TMEM170B: variants seen among roughly 807,000 people sequenced by gnomAD.
TMEM170B encodes transmembrane protein 170B.
A neutral mutation model predicts 13.0 loss-of-function variants in TMEM170B; 6 were observed. The ratio of observed to expected loss-of-function variants is 0.46; its 90% CI spans 0.25 to 0.91. TMEM170B has a LOEUF of 0.91. TMEM170B is among the 40% of genes least tolerant of loss of function. TMEM170B has a pLI of 0.17. For missense variants in TMEM170B, 138 were observed against 165.2 expected (o/e 0.84, Z 0.90); for synonymous variants, 61 against 64.9 (o/e 0.94, Z 0.29).
intron 2 of TMEM170B, among the ~76,000 whole-genome samples, chr6:11,572,230 A>C (rs1759814907): frequency 1.3e-5 from 2 of 152,176 alleles, no homozygotes; most frequent in Admixed American, 1.3e-4. Context: ...CATTCACAGG[A>C]GCAGTGTTTG....
At chr6:11,538,590 C>T (rs1759314795) in intron 1 of TMEM170B, among the ~76,000 whole-genome samples, 1 of 152,108 alleles carries the variant, frequency 6.6e-6, no homozygotes, top group Non-Finnish European at 1.5e-5. Context: ...GCCAGGGGAG[C>T]ATCAGCGACC....
chr6:11,563,842 CAT>C (rs1759703095), intron 1 of TMEM170B, among the ~76,000 whole-genome samples: 1 of 152,160 alleles, frequency 6.6e-6, no homozygotes, highest in South Asian at 2.1e-4. Flanking sequence ...TGGTGGCCCA[CAT>C]GTGTAGTTGT....
At chr6:11,559,836 T>C (rs74771070) in intron 1 of TMEM170B, among the ~76,000 whole-genome samples, 1,589 of 151,968 alleles carry the variant, frequency 0.01, 27 homozygotes, top group African/African-American at 0.035. Flanking sequence ...AAAGAAAAAA[T>C]ATATATATAA....
rs745494127 is a variant in TMEM170B, at chr6:11,538,269, T to G, written c.-9T>G. On this transcript the variant is annotated 5_prime_UTR_variant, in exon 1 of 3. Transcript: ENST00000379426. ...CCGAGGAGAGGGCGGCGGGCGCCCC[T>G]CGGGGAAGATGAAGGCGGAGGGGGG... 4 of 1,352,364 alleles carry G rather than the reference T, an allele frequency of 3.0e-6. No individual in the cohort carries two copies. The highest frequency in any genetic ancestry group is 3.8e-6 in the Non-Finnish European group (4 of 1,050,198). The allele number at this position is 1,352,364 out of a possible 1,614,324, so 83.8% of individuals were successfully genotyped here. A position where few individuals can be genotyped will look rare whatever the true frequency, so the allele number is the denominator to read the frequency against.
At chr6:11,543,585 T>A (rs1001824962) in intron 1 of TMEM170B, among the ~76,000 whole-genome samples, 1 of 152,200 alleles carries the variant, frequency 6.6e-6, no homozygotes, top group African/African-American at 2.4e-5. Flanking sequence ...AAAAAGTCAT[T>A]ATCTTTTTTC....
intron 1 of TMEM170B, among the ~76,000 whole-genome samples, chr6:11,553,293 GTT>G (rs2113768925): frequency 6.6e-6 from 1 of 152,250 alleles, no homozygotes; most frequent in African/African-American, 2.4e-5. Flanking sequence ...AACCTGCATT[GTT>G]CAAGGGTCTA....
chr6:11,560,366 G>A (rs968689481), intron 1 of TMEM170B, among the ~76,000 whole-genome samples: 2 of 148,050 alleles, frequency 1.4e-5, no homozygotes, highest in Non-Finnish European at 3.0e-5. Flanking sequence ...TAGAGATGGG[G>A]TTTCGCCATG....
intron 2 of TMEM170B, among the ~76,000 whole-genome samples, chr6:11,567,534 G>T (rs537417720): frequency 1.3e-5 from 2 of 152,304 alleles, no homozygotes; most frequent in East Asian, 1.9e-4. Context: ...CCATGTTCCT[G>T]GGTATGTCCT....
intron 1 of TMEM170B, among the ~76,000 whole-genome samples, chr6:11,538,689 G>T (rs1337090387): frequency 6.6e-6 from 1 of 152,198 alleles, no homozygotes; most frequent in African/African-American, 2.4e-5. Context: ...AGACTTGAGC[G>T]CATTTCGCTT....
Position 11,575,683 on chromosome 6 carries a change from A to G in TMEM170B, c.*122A>G. 8.1e-7 allele frequency: 1 copy of G among 1,231,492 alleles called. No individual in the cohort carries two copies. The highest frequency in any genetic ancestry group is 1.4e-5 in the South Asian group (1 of 73,836). The allele number at this position is 1,231,492 out of a possible 1,614,324, so 76.3% of individuals were successfully genotyped here. A position where few individuals can be genotyped will look rare whatever the true frequency, so the allele number is the denominator to read the frequency against. On this transcript the variant is annotated 3_prime_UTR_variant, in exon 3 of 3. Transcript: ENST00000379426. This position sits in a 1 kb window ranked among gnomAD's most constrained non-coding sequence, Gnocchi z 4.1. ...ATGTGGACTGAGCAGGTCAAAGCAT[A>G]AGGAAGACCTTGAGCTGTGTGGAAG...
chr6:11,564,575 G>A (rs1323688343), intron 1 of TMEM170B, among the ~76,000 whole-genome samples: 1 of 152,224 alleles, frequency 6.6e-6, no homozygotes, highest in East Asian at 1.9e-4. Flanking sequence ...GTATAAGTGA[G>A]AGAATCCTTA....
intron 1 of TMEM170B, among the ~76,000 whole-genome samples, chr6:11,560,346 T>A (rs11964895): frequency 1.6e-4 from 19 of 121,552 alleles, no homozygotes; most frequent in African/African-American, 3.0e-4. Context: ...TTTTTTTTTT[T>A]AATTTTTAGT....
At chr6:11,565,624 T>C (rs369978082) in intron 1 of TMEM170B, 42 bp from the exon 2 acceptor site, 1 of 1,604,906 alleles carries the variant, frequency 6.2e-7, no homozygotes, top group Non-Finnish European at 8.5e-7. Flanking sequence ...ATTTTCTAAG[T>C]TGTGTTTCAA....
At chr6:11,567,342 A>G (rs1759747891) in intron 2 of TMEM170B, among the ~76,000 whole-genome samples, 1 of 152,212 alleles carries the variant, frequency 6.6e-6, no homozygotes, top group Admixed American at 6.5e-5. Context: ...CCCATATGTC[A>G]GGGGCAGCTC....
In TMEM170B at chr6:11,565,782, G is replaced by C; in HGVS notation, c.214G>C (p.Val72Leu). The change falls in exon 2 of 3, where the codon GTC (valine) becomes CTC (leucine). Residue 72 changes from valine (V) to leucine (L), a missense_variant. Transcript: ENST00000379426. ...QRHRQGRVIS[V>L]IAVSIGFLAS... ...GCATAGGCAGGGAAGAGTCATCTCT[G>C]TCATTGCAGTCAGCATTGGATTTCT... 2 of 1,614,146 alleles carry C rather than the reference G, an allele frequency of 1.2e-6. No individual in the cohort carries two copies. The highest frequency in any genetic ancestry group is 1.7e-6 in the Non-Finnish European group (2 of 1,180,012).
chr6:11,560,146 C>T (rs1258804010), intron 1 of TMEM170B, among the ~76,000 whole-genome samples: 1 of 151,496 alleles, frequency 6.6e-6, no homozygotes, highest in Non-Finnish European at 1.5e-5. Flanking sequence ...GCATCTTCTC[C>T]TTTATTTTTA....
At chr6:11,545,485 A>G (rs1055094995) in intron 1 of TMEM170B, among the ~76,000 whole-genome samples, 1 of 152,094 alleles carries the variant, frequency 6.6e-6, no homozygotes, top group Non-Finnish European at 1.5e-5. Context: ...TGGTCCCATA[A>G]GATTATAATG....
In TMEM170B at chr6:11,581,861, T is replaced by A. The variant is rs1208079004; in HGVS notation, c.*6300T>A. 2 of 152,206 alleles carry A rather than the reference T, an allele frequency of 1.3e-5. No homozygotes were observed. The allele number at this position is 152,206 out of a possible 1,614,324, so 9.4% of individuals were successfully genotyped here. A position where few individuals can be genotyped will look rare whatever the true frequency, so the allele number is the denominator to read the frequency against. Reference sequence around the variant, plus strand: ...ATAGAAAGCAACATAGTGGCACTTGTTGAGTAAATGATCATAAAAATGACT... The same window carrying A: ...ATAGAAAGCAACATAGTGGCACTTGATGAGTAAATGATCATAAAAATGACT... On this transcript the variant is annotated 3_prime_UTR_variant, in exon 3 of 3. Transcript: ENST00000379426.
intron 1 of TMEM170B, among the ~76,000 whole-genome samples, chr6:11,542,266 T>G (rs1219458848): frequency 6.6e-6 from 1 of 152,148 alleles, no homozygotes; most frequent in African/African-American, 2.4e-5. Context: ...ATAGAGTAAA[T>G]GTAAATGTAA....
Sources: allele counts gnomAD v4.1 joint callset (sites outside exome capture counted in the v4.1 genomes callset), GRCh38; gene constraint gnomAD v4.1.1; non-coding constraint Gnocchi (gnomAD v3.1); transcripts MANE v1.5; gene names NCBI Gene and HGNC (gene_info 2026-07-23, HGNC 2026-07-21).